The following GRIP1 variants were observed in gnomAD, a reference collection of about 807,000 sequenced individuals.
GRIP1 encodes glutamate receptor interacting protein 1, also known as glutamate receptor-interacting protein 1.
A neutral mutation model predicts 129.9 loss-of-function variants in GRIP1; 45 were observed. The observed-to-expected ratio is 0.35, with a 90% CI of 0.27 to 0.44. GRIP1 has a LOEUF of 0.44. Ranked by LOEUF, GRIP1 falls within the 20% of genes least tolerant of loss-of-function variation. The pLI, the probability that GRIP1 is intolerant of heterozygous loss-of-function variation, is 1.00. For missense variants in GRIP1, 1,196 were observed against 1,396.8 expected, an observed-to-expected ratio of 0.86 and a Z score of 2.29; for synonymous variants, 530 against 520.8, an observed-to-expected ratio of 1.02 and a Z score of -0.24.
At chr12:66,617,998 C>T (rs187210449) in intron 1 of GRIP1, among the ~76,000 whole-genome samples, 6 of 151,892 alleles carry the variant, frequency 4.0e-5, no homozygotes, top group Non-Finnish European at 7.4e-5. Context: ...ACCATTTGAC[C>T]CAGAATTCTA....
At chr12:66,869,192 T>C (rs1486825980) in intron 1 of GRIP1, among the ~76,000 whole-genome samples, 1 of 152,008 alleles carries the variant, frequency 6.6e-6, no homozygotes, top group Non-Finnish European at 1.5e-5. Flanking sequence ...CACACTGACC[T>C]GTACTTAATA....
At chr12:66,623,488 C>A (rs77857354) in intron 1 of GRIP1, among the ~76,000 whole-genome samples, 5,854 of 152,152 alleles carry the variant, frequency 0.038, 127 homozygotes, top group Middle Eastern at 0.058. Context: ...AAATGGGAAA[C>A]AATATATACT....
At chr12:66,634,030 C>T (rs774892332) in intron 1 of GRIP1, among the ~76,000 whole-genome samples, 3 of 152,204 alleles carry the variant, frequency 2.0e-5, no homozygotes, top group Admixed American at 6.5e-5. Context: ...CAAGAATGGT[C>T]TATCTTTGCA....
At chr12:66,938,226 A>G (rs1395744677) in intron 1 of GRIP1, among the ~76,000 whole-genome samples, 1 of 152,008 alleles carries the variant, frequency 6.6e-6, no homozygotes, top group East Asian at 1.9e-4. Context: ...AAATACAAAA[A>G]TTAGCTGGGC....
At chr12:66,978,605 C>T (rs145102217) in intron 1 of GRIP1, among the ~76,000 whole-genome samples, 26 of 152,270 alleles carry the variant, frequency 1.7e-4, no homozygotes, top group African/African-American at 6.0e-4. Flanking sequence ...CTTCTGCATT[C>T]CTTTCTTTCA....
chr12:66,478,298 C>T (rs1314172540), intron 7 of GRIP1, among the ~76,000 whole-genome samples: 1 of 152,196 alleles, frequency 6.6e-6, no homozygotes, highest in African/African-American at 2.4e-5. Context: ...CACTGGCCAT[C>T]AGAGAAATGC....
At chr12:66,973,477 C>T (rs1379169104) in intron 1 of GRIP1, among the ~76,000 whole-genome samples, 1 of 151,268 alleles carries the variant, frequency 6.6e-6, no homozygotes, top group Non-Finnish European at 1.5e-5. Flanking sequence ...CTACCGCCTC[C>T]ATATAGGAGA....
intron 1 of GRIP1, among the ~76,000 whole-genome samples, chr12:66,631,903 T>C (rs1233673858): frequency 6.6e-6 from 1 of 152,222 alleles, no homozygotes; most frequent in East Asian, 1.9e-4. Context: ...TTAAGTATCG[T>C]ATAACCCTAT....
intron 2 of GRIP1, among the ~76,000 whole-genome samples, chr12:66,574,824 C>G (rs781637305): frequency 3.1e-5 from 4 of 127,348 alleles, no homozygotes; most frequent in Non-Finnish European, 6.8e-5. Flanking sequence ...GCTCTGTCGC[C>G]GCCCTGGCTG....
chr12:66,566,809 A>C lies in GRIP1; in HGVS notation c.137-24859T>G, dbSNP rs574613065. The stretch of plus-strand genomic sequence containing the variant: ...CTATTAATCATTGCTTCAATTTCAG[A>C]GCCTGTTATTGGTCTATTCAGGGAT... On this transcript the variant is annotated intron_variant, in intron 2 of 24. Coordinates refer to ENST00000359742, the MANE Select transcript of GRIP1 (RefSeq NM_001366722.1). Among the ~76,000 whole-genome samples, 3 of 152,142 alleles carry C rather than the reference A, an allele frequency of 2.0e-5. No homozygotes were observed. The East Asian group carries it at 5.8e-4, about 29-fold the overall frequency.
intron 1 of GRIP1, among the ~76,000 whole-genome samples, chr12:67,032,112 A>G (rs1451538089): frequency 6.6e-6 from 1 of 152,150 alleles, no homozygotes; most frequent in Non-Finnish European, 1.5e-5. Context: ...TTCCTTTGAA[A>G]TCTATAGGCT....
intron 5 of GRIP1, among the ~76,000 whole-genome samples, chr12:66,527,602 C>T (rs2061296357): frequency 6.6e-6 from 1 of 151,926 alleles, no homozygotes. Context: ...TGCAGCACAC[C>T]AACATGGCAC....
chr12:66,659,218 C>T (rs2033351790), intron 1 of GRIP1, among the ~76,000 whole-genome samples: 1 of 152,214 alleles, frequency 6.6e-6, no homozygotes, highest in Non-Finnish European at 1.5e-5. Flanking sequence ...TTCCCCCTCA[C>T]TCTGTAACCT....
At position 66,760,466 on chromosome 12, in the gene GRIP1, CA is replaced by C. The variant is rs1239363480; in HGVS notation, c.-420+43586del. Among the ~76,000 whole-genome samples the C allele has an allele frequency of 2.2e-4, 34 of 152,286 alleles. No homozygotes were observed. The East Asian group carries it at 6.4e-3, about 29-fold the overall frequency. ...CAGAATCATGGTGGGAGGTAAAAAGCACTTCTTACGTGGCGGTGGCAAGAGA... is the reference window on the plus strand; with the variant it reads ...CAGAATCATGGTGGGAGGTAAAAAGCCTTCTTACGTGGCGGTGGCAAGAGA... On this transcript the variant is annotated intron_variant, in intron 1 of 4. Transcript: ENST00000538373.
chr12:66,764,774 C>A (rs1045454557), intron 1 of GRIP1, among the ~76,000 whole-genome samples: 1 of 151,024 alleles, frequency 6.6e-6, no homozygotes, highest in African/African-American at 2.4e-5. Context: ...TGCATTTGAG[C>A]AAAGCCCCCT....
At chr12:66,748,222 G>A (rs1402555538) in intron 1 of GRIP1, among the ~76,000 whole-genome samples, 2 of 152,052 alleles carry the variant, frequency 1.3e-5, no homozygotes, top group Admixed American at 1.3e-4. Flanking sequence ...TCACCTTGTT[G>A]GCCAGGCTAG....
intron 7 of GRIP1, among the ~76,000 whole-genome samples, chr12:66,475,170 G>C (rs1253741270): frequency 6.6e-6 from 1 of 152,080 alleles, no homozygotes; most frequent in Non-Finnish European, 1.5e-5. Flanking sequence ...AAAGGCAGGG[G>C]TTGCAATCCT....
At position 66,445,397 on chromosome 12, in the gene GRIP1, C is replaced by T. The variant is rs1311174271; in HGVS notation, c.1466G>A (p.Gly489Asp). ...PVTGFGIQLQGSVFATETLSS... is the reference protein window; with the variant it reads ...PVTGFGIQLQDSVFATETLSS... ...GAGAGTTTCTGTGGCAAACACACTG[C>T]CCTGCAGTTGGATCCCAAATCCTGT... The change falls in exon 12 of 25, where the codon GGC becomes GAC. Residue 489 changes from glycine to aspartate, a missense_variant. Physicochemically the swap from Gly to Asp is moderately conservative, Grantham distance 94. Transcript: ENST00000359742. The T allele has an allele frequency of 1.2e-6, 2 of 1,614,050 alleles. No homozygotes were observed. The highest frequency in any genetic ancestry group is 4.5e-5 in the East Asian group (2 of 44,898).
chr12:66,466,646 T>C (rs2059295236), intron 7 of GRIP1, among the ~76,000 whole-genome samples: 2 of 152,246 alleles, frequency 1.3e-5, no homozygotes, highest in Admixed American at 1.3e-4. Context: ...TATACAATGG[T>C]ATCTTTTCCA....
Sources: gnomAD v4.1 joint callset for allele counts (sites outside exome capture counted in the v4.1 genomes callset) on GRCh38, gnomAD v4.1.1 for gene constraint, MANE v1.5 for transcripts, NCBI Gene and HGNC (gene_info 2026-07-23, HGNC 2026-07-21) for gene names.